Variants in CHD4 observed in about 807,000 individuals in gnomAD.
CHD4 encodes chromodomain helicase DNA binding protein 4, also known as ATP-dependent chromatin remodeler CHD4.
In CHD4, 35 loss-of-function variants were observed where a neutral mutation model predicts 235.5. The observed-to-expected ratio is 0.15, with a 90% CI of 0.11 to 0.20. CHD4 has a LOEUF of 0.20. CHD4 is among the 10% of genes least tolerant of loss of function. CHD4 has a pLI of 1.00. For synonymous variants in CHD4, 900 were observed against 850.2 expected (o/e 1.06, Z -1.02); for missense variants, 1,329 against 2,432.3 (o/e 0.55, Z 9.54).
chr12:6,598,390 T>G lies in CHD4; in HGVS notation c.1518A>C (p.Leu506=). The part of the protein sequence containing the change: ...PALKGKVQKI[L]IWKWGQPPSP... ...ATGGTGGCTGACCCCACTTCCAGATTAGGATCTTCTGCACTTTGCCCTTCA... is the reference window on the plus strand; with the variant it reads ...ATGGTGGCTGACCCCACTTCCAGATGAGGATCTTCTGCACTTTGCCCTTCA... The change falls in exon 11 of 40, where the codon CTA becomes CTC. Residue 506 remains leucine (L), a synonymous_variant. Coordinates refer to ENST00000544040, the MANE Select transcript of CHD4 (RefSeq NM_001273.5). The G allele has an allele frequency of 6.2e-7, 1 of 1,613,040 alleles. No homozygotes were observed. Among genetic ancestry groups the G allele is most frequent in the South Asian group, 1.1e-5 (1 of 90,976 alleles).
Position 6,581,178 on chromosome 12 carries a change from A to T in CHD4, c.4780-5T>A. The T allele has an allele frequency of 4.3e-6, 7 of 1,611,244 alleles. No individual in the cohort carries two copies. The highest frequency in any genetic ancestry group is 5.9e-6 in the Non-Finnish European group (7 of 1,179,266). Reference sequence around the variant, plus strand: ...AGGGGCAGGGGCCTGTGTACACTTCAAAGGAAAAAAAAACAAAAACAAAAC... The same window carrying T: ...AGGGGCAGGGGCCTGTGTACACTTCTAAGGAAAAAAAAACAAAAACAAAAC... On this transcript the variant is annotated splice_region_variant and splice_polypyrimidine_tract_variant and intron_variant, in intron 32 of 39. Coordinates refer to ENST00000544040, the MANE Select transcript of CHD4 (RefSeq NM_001273.5).
chr12:6,601,146 T>C, intron 6 of CHD4, 93 bp from the exon 7 acceptor site: 4 of 1,522,274 alleles, frequency 2.6e-6, no homozygotes, highest in South Asian at 1.3e-5. Flanking sequence ...CACATTCAGA[T>C]TCCCAAATTT....
Position 6,593,639 on chromosome 12 carries a change from C to G in CHD4, c.2314-23G>C, listed in dbSNP as rs747780304. Reference sequence around the variant, plus strand: ...ACCCTTTGAGAAAAAAGAGGAGAGTCAGGACTGAGGGCCCCAGCACACTGC... The same window carrying G: ...ACCCTTTGAGAAAAAAGAGGAGAGTGAGGACTGAGGGCCCCAGCACACTGC... On this transcript the variant is annotated intron_variant, in intron 15 of 39. Coordinates refer to ENST00000544040, the MANE Select transcript of CHD4 (RefSeq NM_001273.5). The surrounding 1 kb of genome is among the most constrained non-coding windows in gnomAD (Gnocchi z 4.9). The G allele has an allele frequency of 1.1e-5, 18 of 1,611,016 alleles. No homozygotes were observed. In the South Asian group the frequency reaches 2.0e-4, roughly 18 times the overall value.
rs868626661 is a variant in CHD4 at position 6,578,325 on chromosome 12, A to G, written c.5119+84T>C. 11 of 1,515,294 alleles carry G rather than the reference A, an allele frequency of 7.3e-6. No homozygotes were observed. The Middle Eastern group carries it at 7.0e-4, about 97-fold the overall frequency. The allele number at this position is 1,515,294 out of a possible 1,614,324, so 93.9% of individuals were successfully genotyped here. ...CCTCATCAAACAGAGGTAAAGAGGT[A>G]AAGTCCCTGTACCGTGGTTTCTGAC... is the stretch of plus-strand genomic sequence containing the variant. On this transcript the variant is annotated intron_variant, in intron 35 of 39. Coordinates refer to ENST00000544040, the MANE Select transcript of CHD4 (RefSeq NM_001273.5).
intron 22 of CHD4, chr12:6,590,282 G>A (rs1948371747): frequency 6.6e-6 from 1 of 152,146 alleles, no homozygotes; most frequent in South Asian, 2.1e-4. Context: ...TGGAACACGG[G>A]ACCTGGGATT....
intron 5 of CHD4, 40 bp downstream of exon 5, chr12:6,601,608 A>C: frequency 1.9e-6 from 3 of 1,613,222 alleles, no homozygotes; most frequent in Non-Finnish European, 2.5e-6. Flanking sequence ...AGAGAACAGA[A>C]AGATTCTCCT....
intron 22 of CHD4, 77 bp downstream of exon 22, chr12:6,591,389 G>A: frequency 3.6e-6 from 4 of 1,100,822 alleles, no homozygotes; most frequent in Non-Finnish European, 5.3e-6. Flanking sequence ...CACAGAAAAG[G>A]AGATGCACAA....
Position 6,591,690 on chromosome 12 carries a change from A to T in CHD4, c.3222+4T>A. 1 of 1,614,176 alleles carries T rather than the reference A, an allele frequency of 6.2e-7. No homozygotes were observed. The highest frequency in any genetic ancestry group is 8.5e-7 in the Non-Finnish European group (1 of 1,180,028). On this transcript the variant is annotated splice_donor_region_variant and intron_variant, in intron 21 of 39. Coordinates refer to ENST00000544040, the MANE Select transcript of CHD4 (RefSeq NM_001273.5). ...TTCCCTAAAGCTCCCAGTCCACATG[A>T]TACCTGGGAAAAGATGAGTACACGA...
At chr12:6,578,686 T>A in intron 34 of CHD4, 140 bp from the exon 35 acceptor site, 1 of 1,423,190 alleles carries the variant, frequency 7.0e-7, no homozygotes, top group Non-Finnish European at 9.8e-7. Context: ...CAGAAAATGG[T>A]GCCATTGGCC....
chr12:6,583,564 A>AT (rs1565606405), intron 25 of CHD4, 186 bp from the exon 26 acceptor site: 1 of 546,720 alleles, frequency 1.8e-6, no homozygotes, highest in African/African-American at 1.9e-5. Context: ...TCATAATTAC[A>AT]TATAGATTAG....
intron 2 of CHD4, 42 bp downstream of exon 2, chr12:6,606,232 A>G (rs772445792): frequency 1.5e-6 from 2 of 1,339,636 alleles, no homozygotes; most frequent in South Asian, 2.4e-5. Flanking sequence ...GGAGAGCCCC[A>G]GATGTCTCCT....
In CHD4 at chr12:6,592,247, C is replaced by T. The variant is rs113489387; in HGVS notation, c.2948+146G>A. On this transcript the variant is annotated intron_variant, in intron 19 of 39. Coordinates refer to ENST00000544040, the MANE Select transcript of CHD4 (RefSeq NM_001273.5). ...TAACCTAAAATAAGTAAGAACTATG[C>T]GCTCCAGCGCCCTAGCATCAGGTTT... 1.4e-4 allele frequency: 171 copies of T among 1,257,420 alleles called. 1 individual carries two copies. Among genetic ancestry groups the T allele is most frequent in the African/African-American group, 2.3e-4 (15 of 66,652 alleles). The allele number at this position is 1,257,420 out of a possible 1,614,324, so 77.9% of individuals were successfully genotyped here.
At chr12:6,574,943 T>C (rs1948042592) in intron 37 of CHD4, among the ~76,000 whole-genome samples, 1 of 152,232 alleles carries the variant, frequency 6.6e-6, no homozygotes, top group African/African-American at 2.4e-5. Context: ...CATTTTAAAA[T>C]GGTTGGCAAA....
Position 6,570,525 on chromosome 12 carries a change from C to T in CHD4, c.*151G>A, listed in dbSNP as rs896262857. The stretch of plus-strand genomic sequence containing the variant: ...GGCACCACTGCCCCTCACTCCCTCC[C>T]CTCCCCCAGTGCACTGGGGCTGTTC... On this transcript the variant is annotated 3_prime_UTR_variant, in exon 40 of 40. Transcript: ENST00000544040. The T allele has an allele frequency of 6.8e-6, 6 of 881,402 alleles. No individual in the cohort carries two copies. In the South Asian group the frequency reaches 9.9e-5, roughly 15 times the overall value. The allele number at this position is 881,402 out of a possible 1,614,324, so 54.6% of individuals were successfully genotyped here.
At chr12:6,587,093 AATTT>A in intron 25 of CHD4, 1 of 362,660 alleles carries the variant, frequency 2.8e-6, no homozygotes, top group Non-Finnish European at 5.0e-6. Context: ...TAGCATTCAA[AATTT>A]CATTTGTAAG....
intron 33 of CHD4, 78 bp from the exon 34 acceptor site, chr12:6,578,995 T>C (rs1475108906): frequency 2.0e-5 from 27 of 1,324,354 alleles, no homozygotes; most frequent in Admixed American, 7.0e-5. Context: ...TCCAATTGGA[T>C]AGACCCACAT....
intron 23 of CHD4, 125 bp downstream of exon 23, chr12:6,588,173 C>T (rs1357825757): frequency 7.4e-7 from 1 of 1,343,566 alleles, no homozygotes; most frequent in Non-Finnish European, 1.0e-6. Flanking sequence ...AGGTAAACAA[C>T]ACAAAAAGAA....
At chr12:6,578,188 G>A (rs767775222) in intron 35 of CHD4, 51 bp from the exon 36 acceptor site, 21 of 1,503,382 alleles carry the variant, frequency 1.4e-5, no homozygotes, top group Admixed American at 1.7e-5. Flanking sequence ...AAACATCTGT[G>A]AGAATTGAAA....
Position 6,601,061 on chromosome 12 carries a change from C to A in CHD4, c.800-8G>T. On this transcript the variant is annotated splice_polypyrimidine_tract_variant and splice_region_variant and intron_variant, in intron 6 of 39. Coordinates refer to ENST00000544040, the MANE Select transcript of CHD4 (RefSeq NM_001273.5). ...TCCTCCGAGCATTGGGACCTAAAAT[C>A]AGGATATATCCAAATATATACCACA... The A allele has an allele frequency of 1.3e-6, 2 of 1,559,002 alleles. No homozygotes were observed. The highest frequency in any genetic ancestry group is 2.4e-5 in the South Asian group (2 of 82,448).
Sources: allele counts gnomAD v4.1 joint callset (sites outside exome capture counted in the v4.1 genomes callset), GRCh38; gene constraint gnomAD v4.1.1; non-coding constraint Gnocchi (gnomAD v3.1); transcripts MANE v1.5; gene names NCBI Gene and HGNC (gene_info 2026-07-23, HGNC 2026-07-21).